The following SIGLEC9 variants were observed in gnomAD, a reference collection of about 807,000 sequenced individuals.
SIGLEC9 encodes the protein sialic acid-binding Ig-like lectin 9.
A neutral mutation model predicts 38.3 loss-of-function variants in SIGLEC9; 26 were observed. The observed-to-expected ratio is 0.68, with a 90% CI of 0.50 to 0.94. The LOEUF (loss-of-function observed/expected upper bound fraction) is 0.94. SIGLEC9 is among the 40% of genes least tolerant of loss of function. The pLI, the probability that SIGLEC9 is intolerant of heterozygous loss-of-function variation, is 0.00. For synonymous variants in SIGLEC9, 236 were observed against 248.0 expected (o/e 0.95, Z 0.45); for missense variants, 556 against 585.7 (o/e 0.95, Z 0.52).
Position 51,128,016 on chromosome 19 carries a change from G to C in SIGLEC9, c.1083G>C (p.Leu361=), listed in dbSNP as rs1362648200. The C allele has an allele frequency of 6.2e-7, 1 of 1,613,874 alleles. No homozygotes were observed. The highest frequency in any genetic ancestry group is 1.7e-5 in the Admixed American group (1 of 60,004). The change falls in exon 5 of 7, where the codon CTG becomes CTC. Residue 361 remains leucine, a synonymous_variant. Coordinates refer to ENST00000250360, the MANE Select transcript of SIGLEC9 (RefSeq NM_014441.3). The part of the protein sequence containing the change: ...GGAGATALVF[L]SFCVIFVVVR... ...CTGGAGCCACAGCCCTGGTCTTCCTGTCCTTCTGCGTCATCTTCGTTGTGT... is the reference window on the plus strand; with the variant it reads ...CTGGAGCCACAGCCCTGGTCTTCCTCTCCTTCTGCGTCATCTTCGTTGTGT...
At chr19:51,126,695 T>C (rs567490950) in intron 3 of SIGLEC9, among the ~76,000 whole-genome samples, 2 of 152,300 alleles carry the variant, frequency 1.3e-5, no homozygotes, top group East Asian at 3.9e-4. Context: ...TTTTGTGGCA[T>C]CTCCTAATGG....
At chr19:51,126,440 A>T (rs186810812) in intron 3 of SIGLEC9, among the ~76,000 whole-genome samples, 110 of 152,070 alleles carry the variant, frequency 7.2e-4, no homozygotes, top group Middle Eastern at 3.4e-3. Flanking sequence ...TTTATTTCTG[A>T]TAGTTCTGAT....
chr19:51,124,068 GT>G (rs1400477470), upstream of SIGLEC9, among the ~76,000 whole-genome samples: 17 of 152,338 alleles, frequency 1.1e-4, no homozygotes, highest in Non-Finnish European at 2.4e-4. Context: ...CCAGGGAAGT[GT>G]GGCTGAGCGA....
upstream of SIGLEC9, among the ~76,000 whole-genome samples, chr19:51,121,875 G>A (rs1299759236): frequency 6.6e-6 from 1 of 151,844 alleles, no homozygotes. Context: ...GATCTGAGCC[G>A]CCGCACCCAG....
rs773818713 is a variant in SIGLEC9, at chr19:51,127,291, T to A, written c.1010T>A (p.Leu337Gln). The A allele has an allele frequency of 6.2e-7, 1 of 1,609,288 alleles. No homozygotes were observed. Among genetic ancestry groups the A allele is most frequent in the Non-Finnish European group, 8.5e-7 (1 of 1,176,892 alleles). ...GSQQVYLNVS[L>Q]QSKATSGVTQ... ...CAGCAGGTCTACCTGAACGTCTCCC[T>A]GCAGAGTGAGTGCACCAGTATGCTG... Residue 337 changes from leucine (L) to glutamine (Q), a missense_variant, in exon 4 of 7, where the codon CTG becomes CAG. Leu to Gln is a moderately radical substitution (Grantham distance 113). Coordinates refer to ENST00000250360, the MANE Select transcript of SIGLEC9 (RefSeq NM_014441.3).
downstream of SIGLEC9, among the ~76,000 whole-genome samples, chr19:51,131,476 C>G (rs554837107): frequency 1.3e-5 from 2 of 151,724 alleles, no homozygotes; most frequent in Non-Finnish European, 2.9e-5. Context: ...GTCCCAGCTA[C>G]TCGGGAGGCT....
In SIGLEC9 at chr19:51,126,199, T is replaced by G. The variant is rs796368424; in HGVS notation, c.748+71T>G. On this transcript the variant is annotated intron_variant, in intron 3 of 6. Transcript: ENST00000250360. ...GGTCAGGATGGGGCTGGCTTATTCC[T>G]CAACCTGGACTCACTTTGGCAAACA... The G allele has an allele frequency of 3.5e-6, 5 of 1,440,526 alleles. No homozygotes were observed. The African/African-American group carries it at 5.6e-5, about 16-fold the overall frequency. The allele number at this position is 1,440,526 out of a possible 1,614,324, so 89.2% of individuals were successfully genotyped here. A position where few individuals can be genotyped will look rare whatever the true frequency, so the allele number is the denominator to read the frequency against.
chr19:51,131,585 C>CAAAA (rs1160571544), downstream of SIGLEC9, among the ~76,000 whole-genome samples: 27 of 147,544 alleles, frequency 1.8e-4, no homozygotes, highest in Admixed American at 8.1e-4. Context: ...GACTCCGTCT[C>CAAAA]AAAAAAAATA....
chr19:51,131,403 T>A (rs1158666686), downstream of SIGLEC9, among the ~76,000 whole-genome samples: 1 of 151,870 alleles, frequency 6.6e-6, no homozygotes. Context: ...CTGGCTAACA[T>A]GGTGAAACCC....
In SIGLEC9 at chr19:51,125,265, A is replaced by G; in HGVS notation, c.291A>G (p.Pro97=). 1.2e-6 allele frequency: 2 copies of G among 1,614,086 alleles called. No individual in the cohort carries two copies. The highest frequency in any genetic ancestry group is 1.7e-6 in the Non-Finnish European group (2 of 1,179,970). ...TRDRFHLLGD[P]HTKNCTLSIR... The stretch of plus-strand genomic sequence containing the variant: ...ACCGATTCCACCTCCTTGGGGACCC[A>G]CATACCAAGAATTGCACCCTGAGCA... The change falls in exon 1 of 7, where the codon CCA becomes CCG. Residue 97 remains proline (P), a synonymous_variant. Transcript: ENST00000250360.
upstream of SIGLEC9, among the ~76,000 whole-genome samples, chr19:51,124,266 CAT>C (rs1375354931): frequency 2.6e-5 from 4 of 152,170 alleles, no homozygotes; most frequent in African/African-American, 9.7e-5. Context: ...TGTATCAACA[CAT>C]AGAATCCTCA....
rs772749809 is a variant in SIGLEC9, at chr19:51,127,092, G to T, written c.811G>T (p.Val271Phe). ...SLPEGQSLRLVCAVDAVDSNP... is the reference protein window; with the variant it reads ...SLPEGQSLRLFCAVDAVDSNP... ...CCCAGAGGGCCAGTCTCTGCGCCTGGTCTGTGCAGTTGATGCAGTTGACAG... is the reference window on the plus strand; with the variant it reads ...CCCAGAGGGCCAGTCTCTGCGCCTGTTCTGTGCAGTTGATGCAGTTGACAG... Residue 271 changes from valine to phenylalanine, a missense_variant, in exon 4 of 7, where the codon GTC becomes TTC. By Grantham distance (50) the Val-to-Phe change is conservative. Transcript: ENST00000250360. The T allele has an allele frequency of 1.9e-6, 3 of 1,614,206 alleles. No homozygotes were observed. Among genetic ancestry groups the T allele is most frequent in the South Asian group, 1.1e-5 (1 of 91,088 alleles).
At chr19:51,120,787 GC>G, upstream of SIGLEC9, 1 of 165,666 alleles carries the variant, frequency 6.0e-6, no homozygotes. The surrounding 1 kb of genome is among the most constrained non-coding windows in gnomAD (Gnocchi z 4.1). Flanking sequence ...GGACCCCCAT[GC>G]CCAGGGCCCT....
At chr19:51,129,215 G>A (rs2091999754) in intron 6 of SIGLEC9, among the ~76,000 whole-genome samples, 1 of 149,650 alleles carries the variant, frequency 6.7e-6, no homozygotes, top group South Asian at 2.1e-4. Context: ...CTGGAGTGCA[G>A]TGGTGCGATC....
At position 51,125,095 on chromosome 19, in the gene SIGLEC9, T is replaced by G. The variant is rs1415980994; in HGVS notation, c.121T>G (p.Cys41Gly). ...GGAAGGCCTGTGTGTCCATGTGCCC[T>G]GCTCCTTCTCCTACCCCTCGCATGG... ...VQEGLCVHVP[C>G]SFSYPSHGWI... Residue 41 changes from cysteine (C) to glycine (G), a missense_variant, in exon 1 of 7, where the codon TGC becomes GGC. Cys to Gly is a radical substitution (Grantham distance 159, BLOSUM62 -3). Transcript: ENST00000250360. The G allele has an allele frequency of 1.2e-6, 2 of 1,614,092 alleles. No individual in the cohort carries two copies. The highest frequency in any genetic ancestry group is 4.5e-5 in the East Asian group (2 of 44,870).
chr19:51,131,056 G>C (rs376098883), downstream of SIGLEC9, among the ~76,000 whole-genome samples: 39 of 152,290 alleles, frequency 2.6e-4, 4 homozygotes, highest in South Asian at 3.5e-3. Flanking sequence ...CCCAGGGAAT[G>C]AGAAACGTTT....
intron 6 of SIGLEC9, 72 bp from the exon 7 acceptor site, chr19:51,129,819 G>A (rs1568613809): frequency 9.0e-7 from 1 of 1,117,206 alleles, no homozygotes; most frequent in South Asian, 1.5e-5. Context: ...GAAGAGCTGG[G>A]ATTACAGATG....
intron 5 of SIGLEC9, 106 bp downstream of exon 5, chr19:51,128,145 C>T: frequency 4.2e-6 from 4 of 949,748 alleles, no homozygotes; most frequent in Non-Finnish European, 6.6e-6. Context: ...GGGTCAAGAG[C>T]TTGGGGCAAG....
At chr19:51,127,437 C>A in intron 4 of SIGLEC9, 141 bp downstream of exon 4, 1 of 912,250 alleles carries the variant, frequency 1.1e-6, no homozygotes, top group South Asian at 1.7e-5. Flanking sequence ...TTCCCTGGGA[C>A]CCACAGCACC....
Sources: gnomAD v4.1 joint callset for allele counts (sites outside exome capture counted in the v4.1 genomes callset) on GRCh38, gnomAD v4.1.1 for gene constraint, Gnocchi (gnomAD v3.1) non-coding constraint, MANE v1.5 for transcripts, NCBI Gene and HGNC (gene_info 2026-07-23, HGNC 2026-07-21) for gene names.